KLHL22: variants seen among roughly 807,000 people sequenced by gnomAD.
The protein encoded by KLHL22 is kelch like family member 22.
In KLHL22, 18 loss-of-function variants were observed where a neutral mutation model predicts 60.7. The ratio of observed to expected loss-of-function variants is 0.30; its 90% confidence interval spans 0.20 to 0.44. The LOEUF is 0.44. KLHL22 is among the 20% of genes least tolerant of loss of function. The probability of loss-of-function intolerance (pLI) is 1.00; values close to 1 mark genes in which losing one functional copy is unlikely to be tolerated. For synonymous variants in KLHL22, 355 were observed against 354.5 expected (o/e 1.00, Z -0.01); for missense variants, 596 against 852.3 (o/e 0.70, Z 3.74).
intron 5 of KLHL22, chr22:20,451,559 T>G: frequency 1.3e-6 from 2 of 1,597,468 alleles, no homozygotes; most frequent in South Asian, 2.2e-5. Context: ...GTGGGGAGAT[T>G]TGATGGTACA....
chr22:20,493,877 A>G (rs372920634), intron 1 of KLHL22, among the ~76,000 whole-genome samples: 4 of 151,502 alleles, frequency 2.6e-5, no homozygotes, highest in African/African-American at 9.7e-5. Context: ...AGCCTGGCCA[A>G]CATGAGGAAG....
intron 6 of KLHL22, 91 bp from the exon 7 acceptor site, chr22:20,442,529 T>C (rs918104594): frequency 3.5e-5 from 51 of 1,440,690 alleles, no homozygotes; most frequent in Non-Finnish European, 4.5e-5. Context: ...TGGCAACAGT[T>C]ACCCACCATT....
intron 5 of KLHL22, chr22:20,451,738 A>T: frequency 6.4e-7 from 1 of 1,568,182 alleles, no homozygotes; most frequent in African/African-American, 1.4e-5. Flanking sequence ...TGAATGTTAC[A>T]ACCCTATCAT....
intron 5 of KLHL22, among the ~76,000 whole-genome samples, chr22:20,449,958 C>CGGGGCG (rs1317453129): frequency 6.6e-6 from 1 of 152,132 alleles, no homozygotes; most frequent in East Asian, 1.9e-4. Context: ...GCCTCCGGGC[C>CGGGGCG]GGGGCGGCGG....
chr22:20,464,314 TG>T (rs2053197477), intron 4 of KLHL22, among the ~76,000 whole-genome samples: 1 of 152,224 alleles, frequency 6.6e-6, no homozygotes, highest in Admixed American at 6.5e-5. Context: ...TGATGCTTGT[TG>T]GCCTTTACCA....
At chr22:20,483,936 C>T in intron 2 of KLHL22, 2 of 678,028 alleles carry the variant, frequency 2.9e-6, no homozygotes, top group Non-Finnish European at 5.4e-6. Flanking sequence ...AGACCCCATG[C>T]AGCCCTGGAA....
In KLHL22 at chr22:20,446,670, C is replaced by T. The variant is rs2146167897; in HGVS notation, c.1312G>A (p.Ala438Thr). ...CCCTCCAGCGTCGCGCCTGCGTGGG[C>T]ATACACCTGTGTGGAGCCACCAGGA... ...YVAPLKREVY[A>T]HAGATLEGKM... Residue 438 changes from alanine (A) to threonine (T), a missense_variant, in exon 6 of 7, where the codon GCC becomes ACC. Coordinates refer to ENST00000328879, the MANE Select transcript of KLHL22 (RefSeq NM_032775.4). The T allele has an allele frequency of 6.2e-7, 1 of 1,609,174 alleles. No individual in the cohort carries two copies.
chr22:20,458,148 C>T (rs5998120), intron 4 of KLHL22, 148 bp from the exon 5 acceptor site: 1 of 782,624 alleles, frequency 1.3e-6, no homozygotes, highest in South Asian at 1.8e-5. Flanking sequence ...GCACACCGAT[C>T]TACAGCCAGG....
intron 1 of KLHL22, chr22:20,493,157 G>A (rs1407844474): frequency 2.1e-6 from 1 of 471,108 alleles, no homozygotes; most frequent in Non-Finnish European, 4.4e-6. Context: ...CCTTCCGTGA[G>A]CATAGTAGTG....
At chr22:20,471,570 T>TG in intron 2 of KLHL22, 55 bp from the exon 3 acceptor site, 1 of 1,578,726 alleles carries the variant, frequency 6.3e-7, no homozygotes, top group Non-Finnish European at 8.6e-7. Context: ...CTTAAGCCCA[T>TG]GTTGCCAAGA....
In KLHL22 at chr22:20,483,662, G is replaced by A. The variant is rs181515931; in HGVS notation, c.227+5323C>T. 6.8e-4 allele frequency: 492 copies of A among 728,500 alleles called. 3 individuals carry two copies. The highest frequency in any genetic ancestry group is 5.8e-3 in the African/African-American group (335 of 58,036). The allele number at this position is 728,500 out of a possible 1,614,324, so 45.1% of individuals were successfully genotyped here. The stretch of plus-strand genomic sequence containing the variant: ...GCATTGTCGATCTACAGAAAGATAC[G>A]GGCGTTGTCCACAGTATTTGCAAAG... On this transcript the variant is annotated intron_variant, in intron 2 of 6. Coordinates refer to ENST00000328879, the MANE Select transcript of KLHL22 (RefSeq NM_032775.4).
At chr22:20,451,714 C>T in intron 5 of KLHL22, 3 of 1,578,318 alleles carry the variant, frequency 1.9e-6, no homozygotes, top group African/African-American at 2.7e-5. Flanking sequence ...AGGTAAGTCC[C>T]TGCTAAGTAG....
At chr22:20,458,204 A>G (rs2053094869) in intron 4 of KLHL22, among the ~76,000 whole-genome samples, 1 of 150,954 alleles carries the variant, frequency 6.6e-6, no homozygotes, top group Admixed American at 6.6e-5. Flanking sequence ...CCCACCACAC[A>G]GCATGGAAGG....
At chr22:20,470,086 C>A (rs62219863) in intron 3 of KLHL22, among the ~76,000 whole-genome samples, 29,887 of 152,022 alleles carry the variant, frequency 0.2, 3,822 homozygotes, top group Non-Finnish European at 0.29. Flanking sequence ...CACCTGTAAT[C>A]CCAGAACTTT....
At chr22:20,453,380 C>T (rs2053010378) in intron 5 of KLHL22, among the ~76,000 whole-genome samples, 1 of 152,018 alleles carries the variant, frequency 6.6e-6, no homozygotes, top group Non-Finnish European at 1.5e-5. Context: ...TGTCTAATTG[C>T]TCCAGTACTA....
chr22:20,485,951 A>G (rs1244298962), intron 2 of KLHL22, among the ~76,000 whole-genome samples: 2 of 149,700 alleles, frequency 1.3e-5, no homozygotes, highest in African/African-American at 4.9e-5. Flanking sequence ...GGCAAATCAC[A>G]AGGTCAGGAG....
At chr22:20,446,800 A>G (rs1400580206) in intron 5 of KLHL22, 124 bp from the exon 6 acceptor site, 1 of 707,548 alleles carries the variant, frequency 1.4e-6, no homozygotes, top group Non-Finnish European at 2.5e-6. Context: ...ACCACTTCCC[A>G]CTCACATACA....
intron 2 of KLHL22, among the ~76,000 whole-genome samples, chr22:20,487,904 A>G (rs1013216389): frequency 2.0e-5 from 3 of 152,080 alleles, no homozygotes; most frequent in Admixed American, 2.0e-4. Flanking sequence ...TACAGGTCCT[A>G]AGTCCCCTGC....
intron 2 of KLHL22, among the ~76,000 whole-genome samples, chr22:20,480,074 C>T (rs760132492): frequency 1.3e-5 from 2 of 152,186 alleles, no homozygotes; most frequent in East Asian, 1.9e-4. Flanking sequence ...CTTAAGGACA[C>T]GATGCCAAAT....
Sources: gnomAD v4.1 joint callset for allele counts (sites outside exome capture counted in the v4.1 genomes callset) on GRCh38, gnomAD v4.1.1 for gene constraint, MANE v1.5 for transcripts, NCBI Gene and HGNC (gene_info 2026-07-23, HGNC 2026-07-21) for gene names.